The following FHAD1 variants were observed in gnomAD, a reference collection of about 807,000 sequenced individuals.
FHAD1 encodes forkhead associated phosphopeptide binding domain 1.
FHAD1 carries 146 observed loss-of-function variants against 191.3 expected under a neutral mutation model. The ratio of observed to expected loss-of-function variants is 0.76; its 90% confidence interval spans 0.67 to 0.88. The LOEUF (loss-of-function observed/expected upper bound fraction) is 0.88, where lower values mean the gene tolerates loss of function less well. FHAD1 is among the 40% of genes least tolerant of loss of function. The pLI, the probability that FHAD1 is intolerant of heterozygous loss-of-function variation, is 0.00. For missense variants in FHAD1, 1,635 were observed against 1,785.8 expected (o/e 0.92, Z 1.52); for synonymous variants, 616 against 672.3 (o/e 0.92, Z 1.29).
intron 26 of FHAD1, 96 bp downstream of exon 26, chr1:15,369,598 C>G: frequency 7.2e-7 from 1 of 1,383,364 alleles, no homozygotes; most frequent in Non-Finnish European, 9.9e-7. Context: ...ATTCTAAGTT[C>G]CAAAAGTATG....
At chr1:15,308,774 C>G in intron 7 of FHAD1, 38 bp downstream of exon 7, 2 of 1,550,544 alleles carry the variant, frequency 1.3e-6, no homozygotes, top group Non-Finnish European at 1.7e-6. Flanking sequence ...CTGCCACTCC[C>G]GCACCCGTTG....
Position 15,271,748 on chromosome 1 carries a change from A to T in FHAD1, c.94-575A>T, listed in dbSNP as rs568823628. On this transcript the variant is annotated intron_variant, in intron 2 of 33. Coordinates refer to ENST00000688493, the MANE Select transcript of FHAD1 (RefSeq NM_001391957.1). ...AAGCATAGAAAAAAAACGTGGAAGG[A>T]TGTGAACCTCAATGTTAACCATGGC... 3.3e-5 allele frequency among the ~76,000 whole-genome samples: 5 copies of T among 152,316 alleles called. No individual in the cohort carries two copies. In the South Asian group the frequency reaches 1.0e-3, roughly 32 times the overall value.
At chr1:15,282,184 C>T (rs1660850965) in intron 3 of FHAD1, among the ~76,000 whole-genome samples, 2 of 152,174 alleles carry the variant, frequency 1.3e-5, no homozygotes, top group Admixed American at 1.3e-4. Context: ...GCTCTGTTTG[C>T]CAATTGTTCA....
At chr1:15,342,355 C>A (rs1391205987) in intron 16 of FHAD1, among the ~76,000 whole-genome samples, 1 of 152,180 alleles carries the variant, frequency 6.6e-6, no homozygotes, top group African/African-American at 2.4e-5. Flanking sequence ...CTCTAAAACT[C>A]GAACGTGCCC....
At chr1:15,360,027 C>A (rs185186971) in intron 21 of FHAD1, among the ~76,000 whole-genome samples, 19 of 152,020 alleles carry the variant, frequency 1.2e-4, no homozygotes, top group Non-Finnish European at 1.9e-4. Flanking sequence ...GCAGGAGAAT[C>A]GCTTGAACCC....
rs1672453672 is a variant in FHAD1, at chr1:15,312,101, C to G, written c.1040-956C>G. On this transcript the variant is annotated intron_variant, in intron 7 of 33. Coordinates refer to ENST00000688493, the MANE Select transcript of FHAD1 (RefSeq NM_001391957.1). This position sits in a 1 kb window ranked among gnomAD's most constrained non-coding sequence, Gnocchi z 4.7. Reference sequence around the variant, plus strand: ...TGATCCAAGGAGAGCAAAGAAGAAACCACAACATCTTTGATGATTCACCCT... The same window carrying G: ...TGATCCAAGGAGAGCAAAGAAGAAAGCACAACATCTTTGATGATTCACCCT... 1 of 152,280 alleles carries G rather than the reference C, an allele frequency of 6.6e-6. No homozygotes were observed. The highest frequency in any genetic ancestry group is 2.1e-4 in the South Asian group (1 of 4,830). 9.4% of individuals were successfully genotyped at this position (152,280 alleles called of 1,614,324 possible).
At chr1:15,368,150 T>G (rs913663099) in intron 25 of FHAD1, among the ~76,000 whole-genome samples, 4 of 151,938 alleles carry the variant, frequency 2.6e-5, no homozygotes, top group Non-Finnish European at 4.4e-5. Context: ...TTTTTTGTAT[T>G]TTTAGTAGAG....
At chr1:15,340,833 T>C (rs1204952435) in intron 15 of FHAD1, among the ~76,000 whole-genome samples, 1 of 152,146 alleles carries the variant, frequency 6.6e-6, no homozygotes, top group Non-Finnish European at 1.5e-5. Flanking sequence ...AAAATGAAAG[T>C]AGCCATAGAC....
chr1:15,258,863 C>T (rs1649638477), intron 2 of FHAD1, among the ~76,000 whole-genome samples: 1 of 152,124 alleles, frequency 6.6e-6, no homozygotes, highest in Non-Finnish European at 1.5e-5. Flanking sequence ...GCTGTAATTA[C>T]AGGTGTGAGC....
At chr1:15,364,591 C>T (rs1239138100) in intron 23 of FHAD1, among the ~76,000 whole-genome samples, 1 of 152,032 alleles carries the variant, frequency 6.6e-6, no homozygotes, top group African/African-American at 2.4e-5. Context: ...GCCTGGGCGA[C>T]AGAGCAAGAC....
At chr1:15,377,698 G>A (rs1426166372) in intron 28 of FHAD1, among the ~76,000 whole-genome samples, 1 of 152,086 alleles carries the variant, frequency 6.6e-6, no homozygotes, top group Non-Finnish European at 1.5e-5. Context: ...AGGCATTGGT[G>A]GCTCATGCCT....
chr1:15,330,940 G>A (rs114358514), intron 14 of FHAD1, among the ~76,000 whole-genome samples: 206 of 152,254 alleles, frequency 1.4e-3, no homozygotes, highest in Admixed American at 1.6e-3. Flanking sequence ...GCCACTTGGC[G>A]GGCTGCCGTA....
rs1174423966 is a variant in FHAD1 at position 15,259,462 on chromosome 1, C to T, written c.93+7585C>T. 3.3e-5 allele frequency among the ~76,000 whole-genome samples: 5 copies of T among 152,226 alleles called. No individual in the cohort carries two copies. In the East Asian group the frequency reaches 7.7e-4, roughly 24 times the overall value. On this transcript the variant is annotated intron_variant, in intron 2 of 33. Coordinates refer to ENST00000688493, the MANE Select transcript of FHAD1 (RefSeq NM_001391957.1). ...TCAGACTTGGGGCTGTCTGATGCAA[C>T]GCTTCTACTCAAAGATACTTCATTG...
intron 1 of FHAD1, among the ~76,000 whole-genome samples, chr1:15,237,154 T>C (rs2100440245): frequency 6.6e-6 from 1 of 152,296 alleles, no homozygotes; most frequent in South Asian, 2.1e-4. Context: ...GGCAGCTCTT[T>C]ATAGCAGCAT....
At chr1:15,277,686 C>T (rs894908694) in intron 3 of FHAD1, among the ~76,000 whole-genome samples, 4 of 152,144 alleles carry the variant, frequency 2.6e-5, no homozygotes, top group Non-Finnish European at 5.9e-5. Flanking sequence ...GATGATATAT[C>T]GTGTGGGTAG....
chr1:15,308,464 C>T, intron 6 of FHAD1, 149 bp from the exon 7 acceptor site: 1 of 1,005,816 alleles, frequency 9.9e-7, no homozygotes, highest in Non-Finnish European at 1.4e-6. Flanking sequence ...CTCCCCTGTC[C>T]CTTCCACTGG....
intron 28 of FHAD1, among the ~76,000 whole-genome samples, chr1:15,380,290 T>C (rs556143182): frequency 4.5e-4 from 69 of 152,198 alleles, no homozygotes; most frequent in Non-Finnish European, 9.0e-4. Context: ...TGGGGGCATG[T>C]GTGGATGTCT....
intron 3 of FHAD1, chr1:15,287,207 A>C (rs777341872): frequency 3.3e-5 from 5 of 152,158 alleles, no homozygotes; most frequent in African/African-American, 1.2e-4. Context: ...GGGAAACTAC[A>C]CGTAAGGTAA....
intron 33 of FHAD1, among the ~76,000 whole-genome samples, chr1:15,394,028 T>G (rs888098355): frequency 6.6e-6 from 1 of 152,110 alleles, no homozygotes; most frequent in African/African-American, 2.4e-5. Flanking sequence ...CCTGAGTTCA[T>G]TCACACCTGG....
Sources: allele counts gnomAD v4.1 joint callset (sites outside exome capture counted in the v4.1 genomes callset), GRCh38; gene constraint gnomAD v4.1.1; non-coding constraint Gnocchi (gnomAD v3.1); transcripts MANE v1.5; gene names NCBI Gene and HGNC (gene_info 2026-07-23, HGNC 2026-07-21).